Variants in RABGEF1 observed in about 807,000 individuals in gnomAD.
The protein encoded by RABGEF1 is RAB guanine nucleotide exchange factor 1.
A neutral mutation model predicts 57.3 loss-of-function variants in RABGEF1; 26 were observed. The observed-to-expected ratio is 0.45, with a 90% confidence interval of 0.33 to 0.63. RABGEF1 has a LOEUF of 0.63. RABGEF1 is among the 20% of genes least tolerant of loss of function. RABGEF1 has a pLI of 0.02. For missense variants in RABGEF1, 464 were observed against 607.6 expected (o/e 0.76, Z 2.48); for synonymous variants, 185 against 210.7 (o/e 0.88, Z 1.06).
intron 1 of RABGEF1, among the ~76,000 whole-genome samples, chr7:66,706,442 G>T (rs112468433): frequency 1.3e-5 from 2 of 151,912 alleles, no homozygotes; most frequent in Non-Finnish European, 2.9e-5. Context: ...ACGGAGTCTC[G>T]CTCCGTCCCC....
intron 7 of RABGEF1, among the ~76,000 whole-genome samples, chr7:66,800,299 C>T (rs1364469517): frequency 6.6e-6 from 1 of 152,276 alleles, no homozygotes; most frequent in Non-Finnish European, 1.5e-5. Context: ...TTTCAGGACC[C>T]TAGCCCCAAG....
chr7:66,741,975 A>T (rs1799073054), intron 1 of RABGEF1, among the ~76,000 whole-genome samples: 1 of 108,852 alleles, frequency 9.2e-6, no homozygotes. Flanking sequence ...TCTCTACTAC[A>T]AATAAAAAAA....
intron 1 of RABGEF1, among the ~76,000 whole-genome samples, chr7:66,683,014 C>T (rs1346787814): frequency 2.0e-5 from 3 of 152,268 alleles, no homozygotes; most frequent in Middle Eastern, 3.4e-3. Flanking sequence ...TCGTGGGCGT[C>T]CGTGGGCTCG....
At chr7:66,669,437 C>T in the RABGEF1 span, 3 of 152,370 alleles carry the variant, frequency 2.0e-5, no homozygotes, top group Non-Finnish European at 2.9e-5. Context: ...ATCCCACCAT[C>T]AGAGCTTTGT....
intron 4 of RABGEF1, among the ~76,000 whole-genome samples, chr7:66,792,110 CAAAA>C (rs200920841): frequency 1.1e-5 from 1 of 90,972 alleles, no homozygotes; most frequent in African/African-American, 4.6e-5. Context: ...GACTCCATCT[CAAAA>C]AAAAAAAAAA....
intron 1 of RABGEF1, among the ~76,000 whole-genome samples, chr7:66,689,292 C>T (rs1352012804): frequency 6.6e-6 from 1 of 150,518 alleles, no homozygotes; most frequent in East Asian, 1.9e-4. Flanking sequence ...GCAAAATCGA[C>T]AAGTTTTTAG....
chr7:66,684,980 G>T (rs1790377441), intron 1 of RABGEF1, among the ~76,000 whole-genome samples: 1 of 151,854 alleles, frequency 6.6e-6, no homozygotes, highest in Admixed American at 6.6e-5. Flanking sequence ...TCCCAGGGTG[G>T]TCTCCAACCC....
chr7:66,753,375 T>G (rs1801887947), intron 1 of RABGEF1, among the ~76,000 whole-genome samples: 1 of 152,250 alleles, frequency 6.6e-6, no homozygotes. Flanking sequence ...AACTCATTTC[T>G]TCTAATTATT....
intron 3 of RABGEF1, among the ~76,000 whole-genome samples, chr7:66,782,540 A>T (rs768752513): frequency 6.0e-5 from 9 of 148,846 alleles, no homozygotes; most frequent in Admixed American, 5.4e-4. Context: ...ATGATCTCGT[A>T]GCTCACTGCA....
intron 1 of RABGEF1, among the ~76,000 whole-genome samples, chr7:66,696,272 C>T (rs1792318609): frequency 6.6e-6 from 1 of 151,938 alleles, no homozygotes; most frequent in South Asian, 2.1e-4. Context: ...ACCATGTTGC[C>T]CAGGCTAGTC....
intron 1 of RABGEF1, among the ~76,000 whole-genome samples, chr7:66,759,725 T>C (rs192790774): frequency 0.1 from 15,753 of 152,066 alleles, 878 homozygotes; most frequent in Non-Finnish European, 0.11. Flanking sequence ...AACAACCAGA[T>C]CTCACAAGCA....
intron 2 of RABGEF1, among the ~76,000 whole-genome samples, chr7:66,716,669 C>T (rs572821358): frequency 4.1e-4 from 63 of 151,972 alleles, no homozygotes; most frequent in Non-Finnish European, 6.9e-4. Context: ...TTAAAAAAAA[C>T]TCTTCTGTCA....
intron 1 of RABGEF1, among the ~76,000 whole-genome samples, chr7:66,746,814 C>G (rs1365125978): frequency 6.7e-6 from 1 of 149,558 alleles, no homozygotes; most frequent in Non-Finnish European, 1.5e-5. Context: ...TGGAGTGAGA[C>G]TGAGTTTCAG....
chr7:66,796,719 T>C, intron 5 of RABGEF1: 2 of 291,154 alleles, frequency 6.9e-6, no homozygotes, highest in Non-Finnish European at 1.3e-5. Context: ...AGCCCCCGAG[T>C]GGCTGGGATT....
chr7:66,804,604 G>A (rs111557384), intron 7 of RABGEF1, among the ~76,000 whole-genome samples: 1 of 151,992 alleles, frequency 6.6e-6, no homozygotes, highest in African/African-American at 2.4e-5. Context: ...GTGTGGTGGC[G>A]GGCATCTGTA....
chr7:66,772,896 AGT>A (rs1222406468), intron 2 of RABGEF1, among the ~76,000 whole-genome samples: 1 of 151,292 alleles, frequency 6.6e-6, no homozygotes, highest in Admixed American at 6.6e-5. Flanking sequence ...TGGGAGACAG[AGT>A]GAGACTCTGT....
chr7:66,796,790 C>T (rs1001852050), intron 5 of RABGEF1: 2 of 348,332 alleles, frequency 5.7e-6, no homozygotes, highest in Non-Finnish European at 1.1e-5. Flanking sequence ...GAGATTTCAC[C>T]ATGTTGGCCA....
At chr7:66,654,707 G>A in the RABGEF1 span, 2 of 152,680 alleles carry the variant, frequency 1.3e-5, no homozygotes, top group Non-Finnish European at 2.9e-5. Flanking sequence ...CGGGCCGTGG[G>A]CGGCGGGGCG....
intron 2 of RABGEF1, among the ~76,000 whole-genome samples, chr7:66,720,169 CATTATT>C (rs200225436): frequency 6.7e-4 from 90 of 133,986 alleles, no homozygotes; most frequent in Middle Eastern, 3.9e-3. Flanking sequence ...AACATCCATT[CATTATT>C]ATTATTATTA....
Sources: allele counts gnomAD v4.1 joint callset (sites outside exome capture counted in the v4.1 genomes callset), GRCh38; gene constraint gnomAD v4.1.1; transcripts MANE v1.5; gene names NCBI Gene and HGNC (gene_info 2026-07-23, HGNC 2026-07-21).